The following SDK1 variants were observed in gnomAD, a reference collection of about 807,000 sequenced individuals.
SDK1 encodes the protein sidekick cell adhesion molecule 1.
Under a neutral mutation model 245.5 loss-of-function variants are expected in SDK1, and 157 were observed. The observed-to-expected ratio is 0.64, with a 90% CI of 0.56 to 0.73. SDK1 has a LOEUF of 0.73. Ranked by LOEUF, SDK1 falls within the 30% of genes least tolerant of loss-of-function variation. SDK1 has a pLI of 0.00. For synonymous variants in SDK1, 1,647 were observed against 1,278.5 expected, an observed-to-expected ratio of 1.29 and a Z score of -6.15; for missense variants, 3,583 against 3,002.3, an observed-to-expected ratio of 1.19 and a Z score of -4.52.
chr7:3,856,137 A>T lies in SDK1; in HGVS notation c.847+34554A>T, dbSNP rs375972084. 1.4e-4 allele frequency among the ~76,000 whole-genome samples: 22 copies of T among 152,252 alleles called. No homozygotes were observed. In the East Asian group the frequency reaches 3.9e-3, roughly 27 times the overall value. On this transcript the variant is annotated intron_variant, in intron 5 of 44. Coordinates refer to ENST00000404826, the MANE Select transcript of SDK1 (RefSeq NM_152744.4). ...GGGAGGAATAAAGAAAATGCATACT[A>T]ATTTTCTTATCTTGCTCAAGGGAAG...
chr7:3,703,274 A>G (rs1223392816), intron 4 of SDK1, among the ~76,000 whole-genome samples: 2 of 151,986 alleles, frequency 1.3e-5, no homozygotes, highest in Admixed American at 1.3e-4. Flanking sequence ...ATAGAACACT[A>G]CTCTGCATCA....
At chr7:3,387,105 G>T (rs1174602825) in intron 1 of SDK1, among the ~76,000 whole-genome samples, 1 of 152,124 alleles carries the variant, frequency 6.6e-6, no homozygotes, top group Admixed American at 6.5e-5. Context: ...CTCTGAACCA[G>T]CCCCAAGTTG....
At chr7:3,734,887 G>A (rs575326362) in intron 4 of SDK1, among the ~76,000 whole-genome samples, 18 of 152,240 alleles carry the variant, frequency 1.2e-4, no homozygotes, top group African/African-American at 3.4e-4. Context: ...AGTTCAGCAC[G>A]TAGCAAGCAG....
intron 4 of SDK1, among the ~76,000 whole-genome samples, chr7:3,754,797 A>G (rs142418199): frequency 2.6e-4 from 40 of 152,314 alleles, no homozygotes; most frequent in Middle Eastern, 6.8e-3. Context: ...CTAAACAGCT[A>G]GTGTGGAAAT....
chr7:3,470,919 A>C (rs1781163856), intron 1 of SDK1, among the ~76,000 whole-genome samples: 2 of 152,210 alleles, frequency 1.3e-5, no homozygotes, highest in African/African-American at 4.8e-5. Flanking sequence ...TTAATATACA[A>C]GGCATTGCCT....
chr7:4,047,870 T>C (rs1411214536), intron 17 of SDK1, among the ~76,000 whole-genome samples: 4 of 152,200 alleles, frequency 2.6e-5, no homozygotes, highest in Admixed American at 6.5e-5. Flanking sequence ...TGATGTTCTT[T>C]CCAATGCTCG....
intron 1 of SDK1, among the ~76,000 whole-genome samples, chr7:3,580,989 A>AC (rs1182958211): frequency 7.3e-6 from 1 of 136,410 alleles, no homozygotes; most frequent in Non-Finnish European, 1.6e-5. Flanking sequence ...AAAAAAAAAA[A>AC]AAAAACCAAA....
Position 3,992,300 on chromosome 7 carries a change from T to TGG in SDK1, c.2131+4980_2131+4981dup, listed in dbSNP as rs148119222. On this transcript the variant is annotated intron_variant, in intron 14 of 44. Transcript: ENST00000404826. ...ACGGGACTCAAGGTGCATCTCTGGA[T>TGG]GGGAGATACACGTGGCCCTCTGCAG... Among the ~76,000 whole-genome samples, 590 of 152,322 alleles carry TGG rather than the reference T, an allele frequency of 3.9e-3. 11 individuals carry two copies. The South Asian group carries it at 0.053, about 14-fold the overall frequency.
At chr7:3,502,094 T>A (rs1448082966) in intron 1 of SDK1, among the ~76,000 whole-genome samples, 1 of 152,130 alleles carries the variant, frequency 6.6e-6, no homozygotes, top group Non-Finnish European at 1.5e-5. Context: ...TAGTGGGGTT[T>A]AGTCAGTCAC....
intron 1 of SDK1, among the ~76,000 whole-genome samples, chr7:3,564,403 T>G (rs1469607243): frequency 1.3e-5 from 2 of 151,964 alleles, no homozygotes; most frequent in African/African-American, 4.8e-5. Context: ...ACAGGATAAT[T>G]GCTTGAACCC....
At chr7:4,162,468 A>T (rs899779820) in intron 32 of SDK1, among the ~76,000 whole-genome samples, 1 of 151,156 alleles carries the variant, frequency 6.6e-6, no homozygotes, top group African/African-American at 2.4e-5. Context: ...GGCACAATCT[A>T]GGCTCCCTGC....
Position 3,788,325 on chromosome 7 carries a change from C to T in SDK1, c.714-33125C>T, listed in dbSNP as rs181952921. 1.5e-3 allele frequency among the ~76,000 whole-genome samples: 222 copies of T among 152,248 alleles called. 1 individual carries two copies. The highest frequency in any genetic ancestry group is 4.7e-3 in the African/African-American group (194 of 41,552). On this transcript the variant is annotated intron_variant, in intron 4 of 44. Transcript: ENST00000404826. ...CCTCCATCGCCCATAACAGGGTGTG[C>T]GGTCAGTGTGTGAAACTCCACAAGG... is the stretch of plus-strand genomic sequence containing the variant.
chr7:3,457,833 C>T (rs950319380), intron 1 of SDK1, among the ~76,000 whole-genome samples: 1 of 152,166 alleles, frequency 6.6e-6, no homozygotes, highest in African/African-American at 2.4e-5. Context: ...ATGTCTCTCT[C>T]TCTTTCTGGT....
intron 17 of SDK1, among the ~76,000 whole-genome samples, chr7:4,031,085 A>C (rs1285510192): frequency 6.6e-6 from 1 of 152,148 alleles, no homozygotes; most frequent in African/African-American, 2.4e-5. Context: ...CTATATATAC[A>C]CATGCACACA....
chr7:3,754,961 G>A (rs1321760496), intron 4 of SDK1, among the ~76,000 whole-genome samples: 3 of 152,170 alleles, frequency 2.0e-5, no homozygotes, highest in Admixed American at 6.5e-5. Context: ...TCACTTGGGC[G>A]ATGTTTTATC....
chr7:3,309,023 A>C (rs1779486671), intron 1 of SDK1, among the ~76,000 whole-genome samples: 2 of 152,140 alleles, frequency 1.3e-5, no homozygotes, highest in African/African-American at 2.4e-5. Context: ...GCTAATTAGA[A>C]TATATTTCAG....
intron 4 of SDK1, among the ~76,000 whole-genome samples, chr7:3,714,429 A>C (rs1370361758): frequency 1.3e-5 from 2 of 152,204 alleles, no homozygotes; most frequent in African/African-American, 4.8e-5. Context: ...ACCTGTTTAA[A>C]TATGAACTAG....
chr7:3,502,100 G>A (rs1782233695), intron 1 of SDK1, among the ~76,000 whole-genome samples: 1 of 152,004 alleles, frequency 6.6e-6, no homozygotes, highest in African/African-American at 2.4e-5. Context: ...GGTTTAGTCA[G>A]TCACTATATT....
intron 1 of SDK1, among the ~76,000 whole-genome samples, chr7:3,464,955 T>G (rs756688990): frequency 6.6e-6 from 1 of 152,136 alleles, no homozygotes; most frequent in African/African-American, 2.4e-5. Flanking sequence ...CACTGAGTAG[T>G]TTTAAAATAA....
Sources: gnomAD v4.1 joint callset for allele counts (sites outside exome capture counted in the v4.1 genomes callset) on GRCh38, gnomAD v4.1.1 for gene constraint, MANE v1.5 for transcripts, NCBI Gene and HGNC (gene_info 2026-07-23, HGNC 2026-07-21) for gene names.